LIN7A: variants seen among roughly 807,000 people sequenced by gnomAD.
The protein encoded by LIN7A is protein lin-7 homolog A.
A neutral mutation model predicts 29.8 loss-of-function variants in LIN7A; 25 were observed. That is an observed-to-expected ratio of 0.84 (90% CI 0.61 to 1.17). The LOEUF (loss-of-function observed/expected upper bound fraction) is 1.17, where lower values mean the gene tolerates loss of function less well. LIN7A is among the 50% of genes most tolerant of loss of function. The pLI is 0.00. For synonymous variants in LIN7A, 118 were observed against 107.5 expected (o/e 1.10, Z -0.60); for missense variants, 239 against 287.0 (o/e 0.83, Z 1.21).
At chr12:80,801,326 G>A (rs977016453) in intron 5 of LIN7A, among the ~76,000 whole-genome samples, 4 of 152,068 alleles carry the variant, frequency 2.6e-5, no homozygotes, top group African/African-American at 7.2e-5. Flanking sequence ...AGAAAACAGC[G>A]TTGTGATGAA....
intron 2 of LIN7A, among the ~76,000 whole-genome samples, chr12:80,870,591 A>G (rs117675000): frequency 0.015 from 2,310 of 152,328 alleles, 29 homozygotes; most frequent in Middle Eastern, 0.051. Flanking sequence ...TTCCAAAGAT[A>G]CACTAAATCA....
intron 2 of LIN7A, among the ~76,000 whole-genome samples, chr12:80,877,784 G>A (rs1328914244): frequency 6.6e-6 from 1 of 151,586 alleles, no homozygotes; most frequent in Non-Finnish European, 1.5e-5. Context: ...CATTTTAGAT[G>A]ACTTGTACAA....
At chr12:80,828,177 T>A (rs1872174734) in intron 4 of LIN7A, among the ~76,000 whole-genome samples, 1 of 152,202 alleles carries the variant, frequency 6.6e-6, no homozygotes, top group African/African-American at 2.4e-5. Context: ...TGGCAATATC[T>A]ATTAAAATAA....
At chr12:80,886,049 A>C (rs1875309289) in intron 2 of LIN7A, among the ~76,000 whole-genome samples, 1 of 152,104 alleles carries the variant, frequency 6.6e-6, no homozygotes, top group African/African-American at 2.4e-5. Context: ...TGCAACTAAG[A>C]ATGATGCCAC....
intron 4 of LIN7A, among the ~76,000 whole-genome samples, chr12:80,839,735 T>C (rs1234714512): frequency 6.6e-6 from 1 of 152,200 alleles, no homozygotes; most frequent in African/African-American, 2.4e-5. Context: ...CTGACAGCCA[T>C]TCTGCATAAG....
At chr12:80,901,793 A>G (rs1329751443) in intron 1 of LIN7A, among the ~76,000 whole-genome samples, 2 of 152,112 alleles carry the variant, frequency 1.3e-5, no homozygotes, top group Non-Finnish European at 1.5e-5. Context: ...AAAGCTCCTT[A>G]ATAATGTTTC....
intron 1 of LIN7A, among the ~76,000 whole-genome samples, chr12:80,914,659 CCA>C (rs1643106405): frequency 6.6e-6 from 1 of 152,076 alleles, no homozygotes; most frequent in Admixed American, 6.6e-5. Context: ...CTAAAACTGC[CCA>C]CAGTCATATC....
chr12:80,800,854 A>C (rs1379386160), intron 5 of LIN7A, among the ~76,000 whole-genome samples: 2 of 152,152 alleles, frequency 1.3e-5, no homozygotes, highest in Non-Finnish European at 2.9e-5. Flanking sequence ...AAAAACCCTC[A>C]ACAAAAGTTA....
chr12:80,809,113 G>A (rs1871172652), intron 5 of LIN7A, among the ~76,000 whole-genome samples: 2 of 152,068 alleles, frequency 1.3e-5, no homozygotes, highest in South Asian at 4.2e-4. Flanking sequence ...AGCCTCCCAA[G>A]TAGCTGGGGC....
At chr12:80,878,605 G>A (rs986982756) in intron 2 of LIN7A, among the ~76,000 whole-genome samples, 2 of 152,212 alleles carry the variant, frequency 1.3e-5, no homozygotes, top group African/African-American at 2.4e-5. Context: ...AGTACGGAAA[G>A]AGATCTGAGC....
chr12:80,896,762 A>G (rs974790164), intron 1 of LIN7A, among the ~76,000 whole-genome samples: 1 of 152,250 alleles, frequency 6.6e-6, no homozygotes, highest in African/African-American at 2.4e-5. Flanking sequence ...GTGTATCACA[A>G]AAAAAGTCTG....
chr12:80,874,702 G>A (rs577515635), intron 2 of LIN7A, among the ~76,000 whole-genome samples: 4 of 152,194 alleles, frequency 2.6e-5, no homozygotes, highest in South Asian at 4.2e-4. Flanking sequence ...ATAATGTTTC[G>A]GCTGGCCGCG....
intron 4 of LIN7A, among the ~76,000 whole-genome samples, chr12:80,833,892 A>G (rs1292614958): frequency 2.0e-5 from 3 of 152,324 alleles, no homozygotes; most frequent in Middle Eastern, 6.8e-3. Flanking sequence ...CCAAATGGCA[A>G]TAACCGGCTA....
chr12:80,922,852 T>C (rs1877384796), intron 1 of LIN7A, among the ~76,000 whole-genome samples: 1 of 152,148 alleles, frequency 6.6e-6, no homozygotes, highest in Non-Finnish European at 1.5e-5. Context: ...ATCATCCCTT[T>C]GTCCTGTATA....
At chr12:80,910,106 T>C (rs1876680348) in intron 1 of LIN7A, among the ~76,000 whole-genome samples, 2 of 152,316 alleles carry the variant, frequency 1.3e-5, no homozygotes, top group East Asian at 1.9e-4. Flanking sequence ...TTGCACATAT[T>C]GTGTTAAATC....
At chr12:80,933,338 TAAA>T (rs1359299217) in intron 1 of LIN7A, among the ~76,000 whole-genome samples, 1 of 152,142 alleles carries the variant, frequency 6.6e-6, no homozygotes, top group Non-Finnish European at 1.5e-5. Context: ...GTTATAAATG[TAAA>T]AACTGAAAGA....
chr12:80,847,365 T>TAAACA lies in LIN7A; in HGVS notation c.273+881_273+885dup, dbSNP rs897729825. Among the ~76,000 whole-genome samples, 8 of 152,170 alleles carry TAAACA rather than the reference T, an allele frequency of 5.3e-5. No individual in the cohort carries two copies. The South Asian group carries it at 6.2e-4, about 12-fold the overall frequency. On this transcript the variant is annotated intron_variant, in intron 3 of 5. Coordinates refer to ENST00000552864, the MANE Select transcript of LIN7A (RefSeq NM_004664.4). ...AACACCCTCTTTTTTTCCCTGAGTT[T>TAAACA]AAACAAAACAAAACAAAACAAAAAA...
chr12:80,874,669 A>G (rs989332293), intron 2 of LIN7A, among the ~76,000 whole-genome samples: 1 of 152,168 alleles, frequency 6.6e-6, no homozygotes, highest in African/African-American at 2.4e-5. Flanking sequence ...TCCTATTTTA[A>G]CTCATTACTG....
chr12:80,873,318 C>T (rs1795499), intron 2 of LIN7A, among the ~76,000 whole-genome samples: 61,601 of 151,780 alleles, frequency 0.41, 15,018 homozygotes, highest in African/African-American at 0.68. Context: ...TCACTTGAGC[C>T]CAGGAGTTCA....
Sources: gnomAD v4.1 joint callset for allele counts (sites outside exome capture counted in the v4.1 genomes callset) on GRCh38, gnomAD v4.1.1 for gene constraint, MANE v1.5 for transcripts, NCBI Gene and HGNC (gene_info 2026-07-23, HGNC 2026-07-21) for gene names.